CYB5R4: variants seen among roughly 807,000 people sequenced by gnomAD.
CYB5R4 encodes cytochrome b5 reductase 4, also known as N-terminal cytochrome b5 and cytochrome b5 oxidoreductase domain-containing protein.
CYB5R4 carries 55 observed loss-of-function variants against 70.2 expected under a neutral mutation model. That is an observed-to-expected ratio of 0.78 (90% CI 0.63 to 0.98). The LOEUF is 0.98. CYB5R4 is among the 50% of genes least tolerant of loss of function. The pLI, the probability that CYB5R4 is intolerant of heterozygous loss-of-function variation, is 0.00. For synonymous variants in CYB5R4, 197 were observed against 199.5 expected (o/e 0.99, Z 0.11); for missense variants, 562 against 612.6 (o/e 0.92, Z 0.87).
intron 14 of CYB5R4, among the ~76,000 whole-genome samples, chr6:83,941,835 A>G (rs1253667234): frequency 6.6e-6 from 1 of 152,224 alleles, no homozygotes; most frequent in East Asian, 1.9e-4. Flanking sequence ...ATTTTTTAAC[A>G]CATTTTCAAA....
chr6:83,864,030 A>G (rs1223322108), intron 1 of CYB5R4, 145 bp from the exon 2 acceptor site: 4 of 710,000 alleles, frequency 5.6e-6, no homozygotes, highest in African/African-American at 1.8e-5. Context: ...TACCTTTTAT[A>G]ATTCAAATAC....
intron 2 of CYB5R4, among the ~76,000 whole-genome samples, chr6:83,889,934 G>C (rs2099460859): frequency 6.6e-6 from 1 of 152,130 alleles, no homozygotes; most frequent in Admixed American, 6.6e-5. Flanking sequence ...ACAGCACCAA[G>C]CCATGAGAGA....
chr6:83,901,733 C>G (rs912945542), intron 3 of CYB5R4, among the ~76,000 whole-genome samples: 4 of 149,872 alleles, frequency 2.7e-5, no homozygotes, highest in African/African-American at 9.9e-5. Context: ...GCCATTCTAT[C>G]TGGGATAGGA....
At position 83,966,209 on chromosome 6, in the gene CYB5R4, A is replaced by G. The variant is rs79238713; in HGVS notation, c.*6331A>G. 1 of 152,214 alleles carries G rather than the reference A, an allele frequency of 6.6e-6. No homozygotes were observed. The highest frequency in any genetic ancestry group is 2.1e-4 in the South Asian group (1 of 4,828). 9.4% of individuals were successfully genotyped at this position (152,214 alleles called of 1,614,324 possible). On this transcript the variant is annotated 3_prime_UTR_variant, in exon 16 of 16. Transcript: ENST00000369681. ...AAGTTTACTGTGGTTATGGTTGCAC[A>G]TACTTATGAATATACCTAAAAATGT... is the stretch of plus-strand genomic sequence containing the variant.
chr6:83,870,993 T>C (rs1588559032), intron 2 of CYB5R4, among the ~76,000 whole-genome samples: 1 of 125,658 alleles, frequency 8.0e-6, no homozygotes, highest in Non-Finnish European at 1.5e-5. Flanking sequence ...TTTTTTTTTT[T>C]GCGATGGAGT....
chr6:83,902,825 G>A (rs1056500417), intron 3 of CYB5R4, among the ~76,000 whole-genome samples: 1 of 151,896 alleles, frequency 6.6e-6, no homozygotes, highest in Non-Finnish European at 1.5e-5. Flanking sequence ...TTCTTTTTCA[G>A]CTATTTTATT....
chr6:83,954,967 A>AC (rs2099472115), intron 14 of CYB5R4, among the ~76,000 whole-genome samples: 1 of 151,636 alleles, frequency 6.6e-6, no homozygotes, highest in Admixed American at 6.6e-5. Flanking sequence ...GCTGGTCTCA[A>AC]ACTCCTGTTC....
intron 4 of CYB5R4, among the ~76,000 whole-genome samples, chr6:83,910,988 A>T (rs2099464589): frequency 6.6e-6 from 1 of 152,256 alleles, no homozygotes; most frequent in Middle Eastern, 3.2e-3. Flanking sequence ...TATAAAATTG[A>T]AAGATGATTC....
intron 3 of CYB5R4, among the ~76,000 whole-genome samples, chr6:83,902,714 C>T (rs1266781206): frequency 6.6e-6 from 1 of 152,058 alleles, no homozygotes; most frequent in African/African-American, 2.4e-5. Context: ...CATCAATGTT[C>T]TGTAGTTTTA....
chr6:83,940,959 A>G (rs2099469674), intron 14 of CYB5R4, among the ~76,000 whole-genome samples: 1 of 152,198 alleles, frequency 6.6e-6, no homozygotes, highest in South Asian at 2.1e-4. Flanking sequence ...TTTGGTGAGA[A>G]TGGATTAAGC....
At chr6:83,934,114 G>A (rs2099468556) in intron 10 of CYB5R4, among the ~76,000 whole-genome samples, 1 of 151,894 alleles carries the variant, frequency 6.6e-6, no homozygotes. Context: ...AAAGATTTTA[G>A]AATGTACCGT....
intron 2 of CYB5R4, among the ~76,000 whole-genome samples, chr6:83,889,333 G>A (rs1461378145): frequency 2.0e-5 from 3 of 152,178 alleles, no homozygotes; most frequent in South Asian, 2.1e-4. Context: ...AGCTTCAAAG[G>A]ACAGTCTGAC....
intron 15 of CYB5R4, among the ~76,000 whole-genome samples, chr6:83,956,914 A>C (rs2099472510): frequency 1.3e-5 from 2 of 151,954 alleles, no homozygotes; most frequent in African/African-American, 2.4e-5. Flanking sequence ...AAAAAAAAAA[A>C]AAAAATCAGA....
chr6:83,897,972 C>T (rs1685253326), intron 3 of CYB5R4, among the ~76,000 whole-genome samples: 1 of 152,138 alleles, frequency 6.6e-6, no homozygotes, highest in South Asian at 2.1e-4. Context: ...TTGCCCATGC[C>T]TATGTCCTGA....
intron 5 of CYB5R4, among the ~76,000 whole-genome samples, chr6:83,914,903 G>A (rs2099465259): frequency 6.6e-6 from 1 of 151,606 alleles, no homozygotes; most frequent in Non-Finnish European, 1.5e-5. Context: ...GTCTTTTGTA[G>A]GGTTTTATAG....
intron 2 of CYB5R4, among the ~76,000 whole-genome samples, chr6:83,870,177 T>G (rs1337896608): frequency 6.6e-6 from 1 of 152,186 alleles, no homozygotes; most frequent in Non-Finnish European, 1.5e-5. Flanking sequence ...TTTGTATTTT[T>G]TACTAGTAGC....
chr6:83,949,653 T>C (rs2099471213), intron 14 of CYB5R4, among the ~76,000 whole-genome samples: 1 of 152,200 alleles, frequency 6.6e-6, no homozygotes, highest in Admixed American at 6.5e-5. Flanking sequence ...GGGATAGGAA[T>C]TATGGATTCT....
In CYB5R4 at chr6:83,963,427, T is replaced by C. The variant is rs2099473619; in HGVS notation, c.*3549T>C. The C allele has an allele frequency of 6.6e-6, 1 of 152,184 alleles. No individual in the cohort carries two copies. Among genetic ancestry groups the C allele is most frequent in the Admixed American group, 6.5e-5 (1 of 15,272 alleles). The allele number at this position is 152,184 out of a possible 1,614,324, so 9.4% of individuals were successfully genotyped here. ...ACGAGGTTGGGGCTGAGTCTGTTGA[T>C]AACAGACCCCCATTTTTGGGCAGAA... On this transcript the variant is annotated 3_prime_UTR_variant, in exon 16 of 16. Coordinates refer to ENST00000369681, the MANE Select transcript of CYB5R4 (RefSeq NM_016230.4).
Position 83,960,626 on chromosome 6 carries a change from T to G in CYB5R4, c.*748T>G, listed in dbSNP as rs2129146935. The G allele has an allele frequency of 6.6e-6, 1 of 152,014 alleles. No homozygotes were observed. Among genetic ancestry groups the G allele is most frequent in the East Asian group, 1.9e-4 (1 of 5,160 alleles). 9.4% of individuals were successfully genotyped at this position (152,014 alleles called of 1,614,324 possible). A position where few individuals can be genotyped will look rare whatever the true frequency, so the allele number is the denominator to read the frequency against. ...AAAACAAAGACATTAGGAAAGAGAG[T>G]GAAAGTATAGTGTCTAGTTCCACAG... On this transcript the variant is annotated 3_prime_UTR_variant, in exon 16 of 16. Transcript: ENST00000369681.
Sources: allele counts gnomAD v4.1 joint callset (sites outside exome capture counted in the v4.1 genomes callset), GRCh38; gene constraint gnomAD v4.1.1; transcripts MANE v1.5; gene names NCBI Gene and HGNC (gene_info 2026-07-23, HGNC 2026-07-21).